ZFHX3: variants seen among roughly 807,000 people sequenced by gnomAD.
ZFHX3 encodes the protein zinc finger homeobox 3, also known as zinc finger homeobox protein 3.
A neutral mutation model predicts 279.1 loss-of-function variants in ZFHX3; 42 were observed. The ratio of observed to expected loss-of-function variants is 0.15; its 90% confidence interval spans 0.12 to 0.19. The LOEUF is 0.19. Among genes scored for constraint, ZFHX3 ranks in the 10% least tolerant of loss-of-function variants. The pLI, the probability that ZFHX3 is intolerant of heterozygous loss-of-function variation, is 1.00. For missense variants in ZFHX3, 4,981 were observed against 4,754.0 expected, an observed-to-expected ratio of 1.05 and a Z score of -1.40; for synonymous variants, 2,293 against 1,957.8, an observed-to-expected ratio of 1.17 and a Z score of -4.52.
At chr16:72,883,774 G>A (rs2038555462) in intron 4 of ZFHX3, among the ~76,000 whole-genome samples, 1 of 152,106 alleles carries the variant, frequency 6.6e-6, no homozygotes, top group Non-Finnish European at 1.5e-5. Flanking sequence ...CTCCATCAAT[G>A]CTTAAAATTT....
In ZFHX3 at chr16:73,797,734, C is replaced by T. The variant is rs73602093; in HGVS notation, c.-1608+93917G>A. Reference sequence around the variant, plus strand: ...GGCTCTGCATGACCTTCAGTTTCTTCGTCTAAAAATTAGAATAATAGGAAT... The same window carrying T: ...GGCTCTGCATGACCTTCAGTTTCTTTGTCTAAAAATTAGAATAATAGGAAT... On this transcript the variant is annotated intron_variant, in intron 1 of 17. Transcript: ENST00000641206. Among the ~76,000 whole-genome samples the T allele has an allele frequency of 3.4e-3, 518 of 150,406 alleles. 5 individuals are homozygous for T. The highest frequency in any genetic ancestry group is 0.014 in the Middle Eastern group (4 of 286).
chr16:73,781,722 C>A (rs752680509), intron 1 of ZFHX3, among the ~76,000 whole-genome samples: 1 of 152,140 alleles, frequency 6.6e-6, no homozygotes, highest in African/African-American at 2.4e-5. Context: ...GGCGTGGTGG[C>A]GCATGCCTGT....
chr16:73,091,131 A>T (rs1243933825), intron 8 of ZFHX3, among the ~76,000 whole-genome samples: 1 of 151,746 alleles, frequency 6.6e-6, no homozygotes, highest in Non-Finnish European at 1.5e-5. Flanking sequence ...GAATGGCATG[A>T]ACCCGGGAGG....
Position 72,959,981 on chromosome 16 carries a change from G to A in ZFHX3, c.165C>T (p.Ala55=), listed in dbSNP as rs759215544. ...TCTCCGCGAGGCGCTCATTGAAGGG[G>A]GCCCTCAGGCTGTCCAAGGGCCCGT... is the stretch of plus-strand genomic sequence containing the variant. ...ESHGPLDSLR[A]PFNERLAEST... is the part of the protein sequence containing the mutation. The change falls in exon 2 of 10, where the codon GCC becomes GCT. Residue 55 remains alanine (A), a synonymous_variant. Transcript: ENST00000268489. 2 of 1,612,368 alleles carry A rather than the reference G, an allele frequency of 1.2e-6. No homozygotes were observed. The highest frequency in any genetic ancestry group is 1.3e-5 in the African/African-American group (1 of 75,000).
intron 2 of ZFHX3, among the ~76,000 whole-genome samples, chr16:73,553,730 C>A (rs940565981): frequency 2.0e-5 from 3 of 152,182 alleles, no homozygotes; most frequent in Non-Finnish European, 2.9e-5. Context: ...GGGGATCCCA[C>A]CTGGCTAGAT....
chr16:73,366,238 C>T (rs964281328), intron 3 of ZFHX3, among the ~76,000 whole-genome samples: 7 of 152,040 alleles, frequency 4.6e-5, no homozygotes, highest in Non-Finnish European at 8.8e-5. Context: ...GCCTCAGTGT[C>T]CAGCAATAGG....
chr16:73,523,745 C>A, intron 2 of ZFHX3, among the ~76,000 whole-genome samples: 1 of 151,516 alleles, frequency 6.6e-6, no homozygotes, highest in Non-Finnish European at 1.5e-5. Flanking sequence ...TTGTTTTGTC[C>A]TTGCATCTAC....
At chr16:72,873,028 A>G (rs1373792040) in intron 4 of ZFHX3, among the ~76,000 whole-genome samples, 1 of 152,134 alleles carries the variant, frequency 6.6e-6, no homozygotes, top group African/African-American at 2.4e-5. Context: ...CTCTCTCCTT[A>G]GAGCTTCCCC....
At chr16:73,505,365 A>C (rs2019308622) in intron 2 of ZFHX3, among the ~76,000 whole-genome samples, 1 of 152,158 alleles carries the variant, frequency 6.6e-6, no homozygotes, top group South Asian at 2.1e-4. Context: ...GGGCGTGAAC[A>C]GTAGGGCTGA....
intron 1 of ZFHX3, among the ~76,000 whole-genome samples, chr16:73,014,782 G>C (rs895906393): frequency 1.3e-5 from 2 of 151,886 alleles, no homozygotes; most frequent in African/African-American, 4.8e-5. Context: ...AAAGTGCTGG[G>C]ATTACAGGCA....
intron 2 of ZFHX3, among the ~76,000 whole-genome samples, chr16:73,606,549 C>T (rs2052185073): frequency 6.6e-6 from 1 of 151,194 alleles, no homozygotes; most frequent in Non-Finnish European, 1.5e-5. Context: ...GGAACCCCAG[C>T]TCAGTGTCAC....
At chr16:73,788,753 T>C (rs1959735848) in intron 1 of ZFHX3, among the ~76,000 whole-genome samples, 1 of 151,364 alleles carries the variant, frequency 6.6e-6, no homozygotes, top group East Asian at 1.9e-4. Flanking sequence ...TATATATAGA[T>C]CATGAGGTCA....
intron 3 of ZFHX3, among the ~76,000 whole-genome samples, chr16:73,403,746 T>G (rs1043277966): frequency 6.6e-6 from 1 of 152,114 alleles, no homozygotes; most frequent in African/African-American, 2.4e-5. Flanking sequence ...AAGTCAGCCC[T>G]GAAAGGGACA....
intron 1 of ZFHX3, among the ~76,000 whole-genome samples, chr16:73,008,878 G>A (rs956006135): frequency 1.3e-5 from 2 of 151,386 alleles, no homozygotes; most frequent in African/African-American, 4.9e-5. Context: ...AAGTTCAGAA[G>A]AATTGAGAGC....
At position 73,182,906 on chromosome 16, in the gene ZFHX3, G is replaced by GA. The variant is rs547940780; in HGVS notation, c.-1103-39076dup. Among the ~76,000 whole-genome samples the GA allele has an allele frequency of 1.7e-3, 250 of 151,286 alleles. 2 individuals are homozygous for GA. Among genetic ancestry groups the GA allele is most frequent in the African/African-American group, 5.5e-3 (228 of 41,278 alleles). Reference sequence around the variant, plus strand: ...GCAAAAGGCGGGAGGGGGGAGGGGTGAAAAATTACCTCTTGGGGCCGGGCG... The same window carrying GA: ...GCAAAAGGCGGGAGGGGGGAGGGGTGAAAAAATTACCTCTTGGGGCCGGGCG... On this transcript the variant is annotated intron_variant, in intron 5 of 17. Transcript: ENST00000641206.
At chr16:73,732,017 T>G (rs2053573665) in intron 1 of ZFHX3, among the ~76,000 whole-genome samples, 1 of 152,220 alleles carries the variant, frequency 6.6e-6, no homozygotes. Context: ...TTGGCATGTT[T>G]TTATTTGTAG....
intron 2 of ZFHX3, among the ~76,000 whole-genome samples, chr16:73,458,726 C>T (rs370046423): frequency 2.4e-4 from 37 of 152,206 alleles, no homozygotes; most frequent in African/African-American, 8.4e-4. Flanking sequence ...ATCGCATTTT[C>T]TTATGCTTTT....
chr16:73,283,833 C>T (rs2014519925), intron 4 of ZFHX3, among the ~76,000 whole-genome samples: 1 of 151,996 alleles, frequency 6.6e-6, no homozygotes, highest in Non-Finnish European at 1.5e-5. Context: ...GTTGTCATCC[C>T]AGCTACTCCA....
At chr16:73,345,663 C>T (rs952092168) in intron 3 of ZFHX3, among the ~76,000 whole-genome samples, 1 of 152,038 alleles carries the variant, frequency 6.6e-6, no homozygotes, top group African/African-American at 2.4e-5. Context: ...GGGTTGATTC[C>T]ATGTCTTGGA....
Sources: allele counts gnomAD v4.1 joint callset (sites outside exome capture counted in the v4.1 genomes callset), GRCh38; gene constraint gnomAD v4.1.1; transcripts MANE v1.5; gene names NCBI Gene and HGNC (gene_info 2026-07-23, HGNC 2026-07-21).